The following OPN3 variants were observed in gnomAD, a reference collection of about 807,000 sequenced individuals.
OPN3 encodes opsin 3, also known as opsin-3.
A neutral mutation model predicts 33.8 loss-of-function variants in OPN3; 29 were observed. That is an observed-to-expected ratio of 0.86 (90% CI 0.64 to 1.17). The LOEUF (loss-of-function observed/expected upper bound fraction) is 1.17, where lower values mean the gene tolerates loss of function less well. Ranked by LOEUF, OPN3 falls within the 50% of genes most tolerant of loss-of-function variation. The pLI, the probability that OPN3 is intolerant of heterozygous loss-of-function variation, is 0.00. For missense variants in OPN3, 437 were observed against 514.1 expected, an observed-to-expected ratio of 0.85 and a Z score of 1.45; for synonymous variants, 216 against 216.1, an observed-to-expected ratio of 1.00 and a Z score of 0.00.
At chr1:241,630,713 T>C (rs1323190970) in intron 1 of OPN3, 3 of 152,128 alleles carry the variant, frequency 2.0e-5, no homozygotes, top group Non-Finnish European at 2.9e-5. Context: ...ATGGTAGTTC[T>C]TGGTTTAAGT....
intron 1 of OPN3, among the ~76,000 whole-genome samples, chr1:241,613,762 C>T (rs1339362363): frequency 6.6e-6 from 1 of 152,118 alleles, no homozygotes; most frequent in Admixed American, 6.5e-5. Context: ...GTGGAAACTG[C>T]ATTCTATTAA....
intron 1 of OPN3, among the ~76,000 whole-genome samples, chr1:241,607,422 G>A (rs551288180): frequency 1.3e-5 from 2 of 152,200 alleles, no homozygotes; most frequent in East Asian, 1.9e-4. Flanking sequence ...GCTGAGACAG[G>A]AGAACTGCTT....
intron 1 of OPN3, chr1:241,633,659 A>C (rs1453411361): frequency 2.4e-6 from 2 of 848,064 alleles, no homozygotes; most frequent in South Asian, 3.3e-5. Flanking sequence ...TGAATGTCTG[A>C]GAGTTAAAGA....
chr1:241,604,163 A>G (rs1355396359), intron 2 of OPN3, 97 bp downstream of exon 2: 2 of 1,104,642 alleles, frequency 1.8e-6, no homozygotes, highest in African/African-American at 1.6e-5. Flanking sequence ...CCTCTGGGCA[A>G]CTACTGATGA....
rs1663393920 is a variant in OPN3, at chr1:241,593,506, T to C, written c.*922A>G. 3.3e-6 allele frequency: 1 copy of C among 307,202 alleles called. No individual in the cohort carries two copies. The allele number at this position is 307,202 out of a possible 1,614,324, so 19.0% of individuals were successfully genotyped here. A position where few individuals can be genotyped will look rare whatever the true frequency, so the allele number is the denominator to read the frequency against. ...TATTGTCAATGAAAACCTTGAGTTC[T>C]AATAATCCATGTTCAGTTTGTAGGG... On this transcript the variant is annotated 3_prime_UTR_variant, in exon 4 of 4. Transcript: ENST00000366554.
chr1:241,613,864 G>A (rs1028948087), intron 1 of OPN3, among the ~76,000 whole-genome samples: 1 of 152,120 alleles, frequency 6.6e-6, no homozygotes, highest in Admixed American at 6.5e-5. Flanking sequence ...CCCTTTCTGT[G>A]GGTTAAAAAA....
chr1:241,596,897 T>C (rs1663533201), intron 3 of OPN3, among the ~76,000 whole-genome samples: 1 of 152,146 alleles, frequency 6.6e-6, no homozygotes, highest in Admixed American at 6.6e-5. Flanking sequence ...CGATAGTGGG[T>C]CACTGCAGCC....
Position 241,639,721 on chromosome 1 carries a change from G to C in OPN3, c.373+161C>G, listed in dbSNP as rs377573355. 3.6e-4 allele frequency among the ~76,000 whole-genome samples: 52 copies of C among 145,008 alleles called. No homozygotes were observed. In the East Asian group the frequency reaches 0.011, roughly 32 times the overall value. ...CGCCATGCGGCTGGGGTCGGGCAGC[G>C]TTGAGGAGGCGAGCGGGGAGCGGGG... On this transcript the variant is annotated intron_variant, in intron 1 of 3. Coordinates refer to ENST00000366554, the MANE Select transcript of OPN3 (RefSeq NM_014322.3).
At chr1:241,613,561 A>G (rs1314800055) in intron 1 of OPN3, among the ~76,000 whole-genome samples, 2 of 152,040 alleles carry the variant, frequency 1.3e-5, no homozygotes, top group Non-Finnish European at 2.9e-5. Flanking sequence ...CTTTGATATC[A>G]GAAGAAGTCA....
intron 1 of OPN3, among the ~76,000 whole-genome samples, chr1:241,625,047 G>T (rs574796966): frequency 6.6e-6 from 1 of 152,318 alleles, no homozygotes; most frequent in South Asian, 2.1e-4. Flanking sequence ...GTATCCCAGA[G>T]TCTAGCACAG....
At chr1:241,603,648 G>C (rs1663738439) in intron 2 of OPN3, among the ~76,000 whole-genome samples, 1 of 152,188 alleles carries the variant, frequency 6.6e-6, no homozygotes, top group South Asian at 2.1e-4. Flanking sequence ...GTGAAAGTTA[G>C]AAGGGTTTGA....
At chr1:241,634,080 T>G (rs747649215) in intron 1 of OPN3, 1 of 1,611,932 alleles carries the variant, frequency 6.2e-7, no homozygotes, top group South Asian at 1.1e-5. Flanking sequence ...GAGCTTCTGC[T>G]GATTCCCGAG....
At chr1:241,620,307 CAT>C (rs1445293465) in intron 1 of OPN3, among the ~76,000 whole-genome samples, 3 of 152,150 alleles carry the variant, frequency 2.0e-5, no homozygotes, top group Non-Finnish European at 2.9e-5. Context: ...ACTTTAATAA[CAT>C]ATTTTATTTT....
intron 1 of OPN3, chr1:241,634,179 A>C: frequency 6.2e-7 from 1 of 1,613,990 alleles, no homozygotes; most frequent in East Asian, 2.2e-5. Context: ...TACGGAGTGA[A>C]TAATTTCTTC....
intron 3 of OPN3, 31 bp downstream of exon 3, chr1:241,597,715 G>A: frequency 6.2e-7 from 1 of 1,601,704 alleles, no homozygotes; most frequent in South Asian, 1.1e-5. Flanking sequence ...TATGCCCAGG[G>A]TGAAAACAAT....
intron 1 of OPN3, among the ~76,000 whole-genome samples, chr1:241,626,594 C>T (rs928028306): frequency 6.6e-6 from 1 of 152,132 alleles, no homozygotes. Context: ...AAAAACAAGA[C>T]TCCAAGCACC....
intron 1 of OPN3, among the ~76,000 whole-genome samples, chr1:241,615,434 C>T (rs1393132699): frequency 1.3e-5 from 2 of 152,008 alleles, no homozygotes; most frequent in African/African-American, 4.8e-5. Flanking sequence ...CTGCATCAGA[C>T]TCTGATCCAC....
chr1:241,606,634 C>T (rs1056716322), intron 1 of OPN3, among the ~76,000 whole-genome samples: 12 of 151,772 alleles, frequency 7.9e-5, no homozygotes, highest in Admixed American at 5.9e-4. Flanking sequence ...TAAGGAATAG[C>T]GAGTGATTAC....
chr1:241,634,307 C>A (rs995384456), intron 1 of OPN3: 1 of 1,613,984 alleles, frequency 6.2e-7, no homozygotes, highest in Non-Finnish European at 8.5e-7. Context: ...CCGTACAGCA[C>A]AAGCTCCTGG....
Sources: gnomAD v4.1 joint callset for allele counts (sites outside exome capture counted in the v4.1 genomes callset) on GRCh38, gnomAD v4.1.1 for gene constraint, MANE v1.5 for transcripts, NCBI Gene and HGNC (gene_info 2026-07-23, HGNC 2026-07-21) for gene names.